Variants in MKNK2 observed in about 807,000 individuals in gnomAD.
The protein encoded by MKNK2 is MAP kinase-interacting serine/threonine-protein kinase 2.
MKNK2 carries 54 observed loss-of-function variants against 55.0 expected under a neutral mutation model. The ratio of observed to expected loss-of-function variants is 0.98; its 90% confidence interval spans 0.79 to 1.23. The LOEUF is 1.23. MKNK2 is among the 50% of genes most tolerant of loss of function. MKNK2 has a pLI of 0.00. For synonymous variants in MKNK2, 323 were observed against 256.0 expected (o/e 1.26, Z -2.50); for missense variants, 685 against 632.1 (o/e 1.08, Z -0.90).
chr19:2,050,447 G>C (rs1488405015), intron 2 of MKNK2, among the ~76,000 whole-genome samples: 1 of 152,248 alleles, frequency 6.6e-6, no homozygotes. Flanking sequence ...CACATGCAGC[G>C]ACTGGGACAG....
At chr19:2,047,883 GCCCATGT>G (rs1484764703) in intron 2 of MKNK2, among the ~76,000 whole-genome samples, 1 of 151,916 alleles carries the variant, frequency 6.6e-6, no homozygotes, top group Non-Finnish European at 1.5e-5. Context: ...GCATTCCTCC[GCCCATGT>G]CCCGCAGCTG....
Position 2,038,830 on chromosome 19 carries a change from C to T in MKNK2, c.*783G>A, listed in dbSNP as rs2016810882. ...GGCTTCGGGCCAGGCGGGGCTCCTGCTGTCTCAGGCCTTGGTGTGGAGGGG... is the reference window on the plus strand; with the variant it reads ...GGCTTCGGGCCAGGCGGGGCTCCTGTTGTCTCAGGCCTTGGTGTGGAGGGG... On this transcript the variant is annotated 3_prime_UTR_variant, in exon 14 of 14. Coordinates refer to ENST00000250896, the MANE Select transcript of MKNK2 (RefSeq NM_199054.3). The T allele has an allele frequency of 2.0e-6, 2 of 985,656 alleles. No individual in the cohort carries two copies. The highest frequency in any genetic ancestry group is 2.4e-6 in the Non-Finnish European group (2 of 829,950). The allele number at this position is 985,656 out of a possible 1,614,324, so 61.1% of individuals were successfully genotyped here. A position where few individuals can be genotyped will look rare whatever the true frequency, so the allele number is the denominator to read the frequency against.
At position 2,042,812 on chromosome 19, in the gene MKNK2, C is replaced by T. The variant is rs373634147; in HGVS notation, c.552G>A (p.Val184=). The change falls in exon 8 of 14, where the codon GTG becomes GTA. Residue 184 remains valine (V), a synonymous_variant. Transcript: ENST00000250896. The part of the protein sequence containing the change: ...RRHFNELEAS[V]VVQDVASALD... The stretch of plus-strand genomic sequence containing the variant: ...AGGCGCTGGCCACGTCCTGCACCAC[C>T]ACGCTGGCCTCCAGCTCGTTGAAGT... 6.3e-7 allele frequency: 1 copy of T among 1,581,718 alleles called. No homozygotes were observed. The highest frequency in any genetic ancestry group is 1.8e-5 in the Admixed American group (1 of 54,978).
At chr19:2,039,927 C>G in intron 13 of MKNK2, 71 bp from the exon 14 acceptor site, 1 of 1,524,512 alleles carries the variant, frequency 6.6e-7, no homozygotes, top group Non-Finnish European at 8.9e-7. Flanking sequence ...TCTGTGAAGG[C>G]CCTGGGGGAA....
Position 2,039,569 on chromosome 19 carries a change from G to A in MKNK2, c.*44C>T. The A allele has an allele frequency of 6.4e-7, 1 of 1,567,564 alleles. No homozygotes were observed. The highest frequency in any genetic ancestry group is 8.7e-7 in the Non-Finnish European group (1 of 1,153,156). ...GATAGCTTAAAAAACCTTTAGATTT[G>A]ATTGGGGGACGGGTGACCTATGTAC... On this transcript the variant is annotated 3_prime_UTR_variant, in exon 14 of 14. Coordinates refer to ENST00000250896, the MANE Select transcript of MKNK2 (RefSeq NM_199054.3).
At chr19:2,042,950 A>C in intron 7 of MKNK2, 80 bp from the exon 8 acceptor site, 1 of 1,449,240 alleles carries the variant, frequency 6.9e-7, no homozygotes, top group East Asian at 2.4e-5. Flanking sequence ...ACCCACCTCC[A>C]CTTTGGCGGG....
At position 2,050,784 on chromosome 19, in the gene MKNK2, C is replaced by A; in HGVS notation, c.51+17G>T. 1 of 1,534,808 alleles carries A rather than the reference C, an allele frequency of 6.5e-7. No homozygotes were observed. The highest frequency in any genetic ancestry group is 8.8e-7 in the Non-Finnish European group (1 of 1,140,904). ...TGGTCCAGCCCGGAGCGCCCCCAAA[C>A]CGACCCCGGGCCTCACCTTGAACGA... is the stretch of plus-strand genomic sequence containing the variant. On this transcript the variant is annotated intron_variant, in intron 2 of 13. Transcript: ENST00000250896.
intron 5 of MKNK2, among the ~76,000 whole-genome samples, chr19:2,045,703 G>C (rs1441597419): frequency 6.6e-6 from 1 of 152,158 alleles, no homozygotes; most frequent in Non-Finnish European, 1.5e-5. Flanking sequence ...AAGATTTCTT[G>C]GAACACGGGA....
rs1250884960 is a variant in MKNK2, at chr19:2,038,893, A to C, written c.*720T>G. ...GAGCCCCTGGGGTCAGCTGCAGTTT[A>C]AGGTCAAGGTCGGAGGCCGAATCTG... On this transcript the variant is annotated 3_prime_UTR_variant, in exon 14 of 14. Transcript: ENST00000250896. 2 of 985,696 alleles carry C rather than the reference A, an allele frequency of 2.0e-6. No individual in the cohort carries two copies. Among genetic ancestry groups the C allele is most frequent in the Non-Finnish European group, 2.4e-6 (2 of 829,974 alleles). The allele number at this position is 985,696 out of a possible 1,614,324, so 61.1% of individuals were successfully genotyped here.
intron 2 of MKNK2, among the ~76,000 whole-genome samples, chr19:2,050,594 G>T (rs1221464286): frequency 6.6e-6 from 1 of 152,194 alleles, no homozygotes; most frequent in Non-Finnish European, 1.5e-5. Context: ...GGCGGCCATG[G>T]CTGGAGAGAG....
At chr19:2,043,075 T>TG in intron 7 of MKNK2, 49 bp downstream of exon 7, 1 of 1,527,748 alleles carries the variant, frequency 6.5e-7, no homozygotes, top group Non-Finnish European at 9.1e-7. Flanking sequence ...CCCCATCCCG[T>TG]AATACCTCCC....
At position 2,038,133 on chromosome 19, in the gene MKNK2, G is replaced by C. The variant is rs1006627108; in HGVS notation, c.*1480C>G. The C allele has an allele frequency of 1.0e-5, 11 of 1,066,054 alleles. No individual in the cohort carries two copies. The South Asian group carries it at 4.3e-4, about 41-fold the overall frequency. 66.0% of individuals were successfully genotyped at this position (1,066,054 alleles called of 1,614,324 possible). ...GGCCACCGGACTGTGACCATCATAC[G>C]AGATTCAGGAGGGGCAGCAGGGCCA... On this transcript the variant is annotated 3_prime_UTR_variant, in exon 14 of 14. Coordinates refer to ENST00000250896, the MANE Select transcript of MKNK2 (RefSeq NM_199054.3).
chr19:2,046,992 G>A (rs1313662555), intron 2 of MKNK2, among the ~76,000 whole-genome samples: 1 of 152,218 alleles, frequency 6.6e-6, no homozygotes, highest in Non-Finnish European at 1.5e-5. Flanking sequence ...TAGAGATAAA[G>A]TCTTGCTACG....
Position 2,037,848 on chromosome 19 carries a change from AAACAAAC to A in MKNK2, c.*1758_*1764del. 2 of 1,560,644 alleles carry A rather than the reference AAACAAAC, an allele frequency of 1.3e-6. No homozygotes were observed. Among genetic ancestry groups the A allele is most frequent in the Non-Finnish European group, 1.7e-6 (2 of 1,152,952 alleles). Reference sequence around the variant, plus strand: ...GTCCCACCTTCAGAAAAAAAAAAAAAAACAAACAAACAAACGCTGCTAGCCACTCAGC... The same window carrying A: ...GTCCCACCTTCAGAAAAAAAAAAAAAAAACAAACGCTGCTAGCCACTCAGC... On this transcript the variant is annotated 3_prime_UTR_variant, in exon 14 of 14. Transcript: ENST00000250896.
intron 3 of MKNK2, 63 bp from the exon 4 acceptor site, chr19:2,046,531 C>A (rs747290892): frequency 9.6e-6 from 15 of 1,561,074 alleles, no homozygotes; most frequent in Non-Finnish European, 1.3e-5. Context: ...CCCCCACCCC[C>A]CTGCAGGGGC....
In MKNK2 at chr19:2,037,900, T is replaced by C; in HGVS notation, c.*1713A>G. On this transcript the variant is annotated 3_prime_UTR_variant, in exon 14 of 14. Transcript: ENST00000250896. ...CTCAGCTTTAGAGACCCGATGGCTA[T>C]GGGCGCCTGCAGCGGGCGGGGGTCC... 2.1e-6 allele frequency: 3 copies of C among 1,459,686 alleles called. No homozygotes were observed. Among genetic ancestry groups the C allele is most frequent in the East Asian group, 4.8e-5 (2 of 41,690 alleles). 90.4% of individuals were successfully genotyped at this position (1,459,686 alleles called of 1,614,324 possible). A position where few individuals can be genotyped will look rare whatever the true frequency, so the allele number is the denominator to read the frequency against.
Position 2,039,711 on chromosome 19 carries a change from G to C in MKNK2, c.1300C>G (p.Leu434Val), listed in dbSNP as rs1304335464. The change falls in exon 14 of 14, where the codon CTG becomes GTG. Residue 434 changes from leucine to valine, a missense_variant. By Grantham distance (32) the Leu-to-Val change is conservative. Coordinates refer to ENST00000250896, the MANE Select transcript of MKNK2 (RefSeq NM_199054.3). ...PVLVRATSRC[L>V]QLSPPSQSKL... ...GACTGGGAGGGTGGAGACAGCTGCA[G>C]GCAGCGTGAGGTAGCTCGGACCAGG... 1 of 1,612,344 alleles carries C rather than the reference G, an allele frequency of 6.2e-7. No individual in the cohort carries two copies. Among genetic ancestry groups the C allele is most frequent in the East Asian group, 2.2e-5 (1 of 44,882 alleles).
chr19:2,046,709 G>A lies in MKNK2; in HGVS notation c.52-18C>T, dbSNP rs1422981973. 2.7e-6 allele frequency: 4 copies of A among 1,499,698 alleles called. No homozygotes were observed. The highest frequency in any genetic ancestry group is 3.6e-6 in the Non-Finnish European group (4 of 1,125,276). The allele number at this position is 1,499,698 out of a possible 1,614,324, so 92.9% of individuals were successfully genotyped here. Reference sequence around the variant, plus strand: ...TTCTGCCCCTGCAGGGGAGAGGAGAGGAGAGGCACTCAGGCCCCATCCCTG... The same window carrying A: ...TTCTGCCCCTGCAGGGGAGAGGAGAAGAGAGGCACTCAGGCCCCATCCCTG... On this transcript the variant is annotated intron_variant, in intron 2 of 13. Transcript: ENST00000250896.
Position 2,043,140 on chromosome 19 carries a change from A to G in MKNK2, c.477T>C (p.Phe159=), listed in dbSNP as rs776740377. The change falls in exon 7 of 14, where the codon TTT becomes TTC. Residue 159 remains phenylalanine, a synonymous_variant. Coordinates refer to ENST00000250896, the MANE Select transcript of MKNK2 (RefSeq NM_199054.3). ...FEEEDRFYLV[F]EKMRGGSILS... is the part of the protein sequence containing the mutation. Reference sequence around the variant, plus strand: ...CCCAGGTACCTCCCCGCATCTTCTCAAACACCAGGTAGAAGCGGTCCTCCT... The same window carrying G: ...CCCAGGTACCTCCCCGCATCTTCTCGAACACCAGGTAGAAGCGGTCCTCCT... 1.1e-5 allele frequency: 17 copies of G among 1,613,634 alleles called. No individual in the cohort carries two copies. The highest frequency in any genetic ancestry group is 1.4e-5 in the Non-Finnish European group (16 of 1,179,784).
Sources: gnomAD v4.1 joint callset for allele counts (sites outside exome capture counted in the v4.1 genomes callset) on GRCh38, gnomAD v4.1.1 for gene constraint, MANE v1.5 for transcripts, NCBI Gene and HGNC (gene_info 2026-07-23, HGNC 2026-07-21) for gene names.